The following PTCSC3 variants were observed in gnomAD, a reference collection of about 807,000 sequenced individuals.
The protein encoded by PTCSC3 is papillary thyroid carcinoma susceptibility candidate 3 (non-protein coding).
At chr14:36,164,961 T>C (rs1044789000) in intron 1 of PTCSC3, among the ~76,000 whole-genome samples, 12 of 152,232 alleles carry the variant, frequency 7.9e-5, no homozygotes, top group African/African-American at 2.7e-4. Flanking sequence ...CCCCAGGCAG[T>C]GTCATATCTT....
intron 1 of PTCSC3, among the ~76,000 whole-genome samples, chr14:36,173,302 AC>A (rs1368903107): frequency 6.6e-6 from 1 of 152,120 alleles, no homozygotes; most frequent in Non-Finnish European, 1.5e-5. Context: ...AAAACTCTAC[AC>A]ATATTAGATG....
chr14:36,169,263 T>C (rs888156765), intron 1 of PTCSC3, among the ~76,000 whole-genome samples: 1 of 152,122 alleles, frequency 6.6e-6, no homozygotes, highest in African/African-American at 2.4e-5. Context: ...AAATATATAA[T>C]TGTAATATTA....
intron 3 of PTCSC3, among the ~76,000 whole-genome samples, chr14:36,145,391 G>T (rs1017771198): frequency 5.3e-5 from 8 of 151,026 alleles, no homozygotes; most frequent in African/African-American, 1.9e-4. Context: ...AGTCTTGGGA[G>T]AGTGTATGTG....
At chr14:36,163,679 T>A (rs762791166) in intron 1 of PTCSC3, among the ~76,000 whole-genome samples, 1 of 152,228 alleles carries the variant, frequency 6.6e-6, no homozygotes, top group South Asian at 2.1e-4. Flanking sequence ...CTATTGTGAA[T>A]GTTTTGTGAT....
At chr14:36,140,472 G>A (rs2415317) in intron 3 of PTCSC3, among the ~76,000 whole-genome samples, 69,973 of 152,014 alleles carry the variant, frequency 0.46, 18,088 homozygotes, top group Non-Finnish European at 0.59. Context: ...TAATAGATGC[G>A]AGGTCCTGTT....
chr14:36,152,153 TA>T (rs1881737858), intron 3 of PTCSC3, among the ~76,000 whole-genome samples: 1 of 152,140 alleles, frequency 6.6e-6, no homozygotes, highest in South Asian at 2.1e-4. Flanking sequence ...AAAGGTAAAA[TA>T]GTAGAATTTC....
At chr14:36,145,378 T>G (rs1881536900) in intron 3 of PTCSC3, among the ~76,000 whole-genome samples, 3 of 151,220 alleles carry the variant, frequency 2.0e-5, no homozygotes. Flanking sequence ...TTCTTCCTGG[T>G]TTAGTCTTGG....
intron 3 of PTCSC3, among the ~76,000 whole-genome samples, chr14:36,145,514 T>A (rs937971171): frequency 1.6e-4 from 24 of 149,050 alleles, no homozygotes; most frequent in African/African-American, 5.7e-4. Context: ...ATATCCCCTT[T>A]ATCATTTTTT....
intron 3 of PTCSC3, among the ~76,000 whole-genome samples, chr14:36,140,716 T>A (rs1188088240): frequency 6.6e-6 from 1 of 151,998 alleles, no homozygotes; most frequent in African/African-American, 2.4e-5. Context: ...CTCTTAAGAG[T>A]TTTTTAGAGC....
At chr14:36,149,675 T>A (rs968467907) in intron 3 of PTCSC3, among the ~76,000 whole-genome samples, 18 of 152,210 alleles carry the variant, frequency 1.2e-4, no homozygotes, top group Admixed American at 1.2e-3. Context: ...ATTATGTCTT[T>A]TTGGAGAATT....
chr14:36,170,107 C>T (rs1230730599), intron 1 of PTCSC3, among the ~76,000 whole-genome samples: 2 of 152,004 alleles, frequency 1.3e-5, no homozygotes, highest in Non-Finnish European at 2.9e-5. Context: ...GAGAGGGTAT[C>T]ATCTATGTTT....
At chr14:36,170,898 G>A (rs566315809) in intron 1 of PTCSC3, among the ~76,000 whole-genome samples, 16 of 152,214 alleles carry the variant, frequency 1.1e-4, no homozygotes, top group South Asian at 6.2e-4. Context: ...TTGAGGCTAT[G>A]TAGATACATT....
At chr14:36,151,823 A>G (rs931322489) in intron 3 of PTCSC3, among the ~76,000 whole-genome samples, 3 of 152,228 alleles carry the variant, frequency 2.0e-5, no homozygotes, top group Non-Finnish European at 4.4e-5. Flanking sequence ...GCATATTTCA[A>G]AATGGATACT....
chr14:36,174,595 C>T (rs1389221239), intron 1 of PTCSC3, among the ~76,000 whole-genome samples: 1 of 151,990 alleles, frequency 6.6e-6, no homozygotes, highest in Non-Finnish European at 1.5e-5. Context: ...TTTGAGGTGG[C>T]AGTTCATTTA....
At chr14:36,154,301 G>C (rs1046590982) in intron 2 of PTCSC3, among the ~76,000 whole-genome samples, 2 of 151,988 alleles carry the variant, frequency 1.3e-5, no homozygotes, top group South Asian at 2.1e-4. Flanking sequence ...TAATGAAGCT[G>C]TTAACTTATG....
At chr14:36,145,474 G>A (rs1366034191) in intron 3 of PTCSC3, among the ~76,000 whole-genome samples, 1 of 149,704 alleles carries the variant, frequency 6.7e-6, no homozygotes, top group South Asian at 2.2e-4. Flanking sequence ...TTCTCTGATG[G>A]TAGTTCGTAT....
intron 3 of PTCSC3, among the ~76,000 whole-genome samples, chr14:36,148,252 C>T (rs921757055): frequency 6.6e-6 from 1 of 152,188 alleles, no homozygotes; most frequent in African/African-American, 2.4e-5. Flanking sequence ...GCGGGCTCCC[C>T]TCCCCCAGCC....
chr14:36,158,446 G>A (rs1881877730), intron 2 of PTCSC3, among the ~76,000 whole-genome samples: 1 of 152,150 alleles, frequency 6.6e-6, no homozygotes, highest in Non-Finnish European at 1.5e-5. Context: ...GTGGTTCATT[G>A]AGAGTTTTTA....
chr14:36,148,372 G>T (rs1041565036), intron 3 of PTCSC3, among the ~76,000 whole-genome samples: 1 of 152,204 alleles, frequency 6.6e-6, no homozygotes, highest in African/African-American at 2.4e-5. Flanking sequence ...GTGGTGCGCC[G>T]TTTTTTAAGC....
Sources: gnomAD v4.1 joint callset for allele counts (sites outside exome capture counted in the v4.1 genomes callset) on GRCh38, gnomAD v4.1.1 for gene constraint, MANE v1.5 for transcripts, NCBI Gene and HGNC (gene_info 2026-07-23, HGNC 2026-07-21) for gene names.